STAM: variants seen among roughly 807,000 people sequenced by gnomAD.
STAM encodes signal transducing adapter molecule 1.
STAM carries 16 observed loss-of-function variants against 63.4 expected under a neutral mutation model. The ratio of observed to expected loss-of-function variants is 0.25; its 90% confidence interval spans 0.17 to 0.38. The LOEUF is 0.38. STAM is among the 10% of genes least tolerant of loss of function. STAM has a pLI of 1.00. For synonymous variants in STAM, 238 were observed against 223.9 expected (o/e 1.06, Z -0.56); for missense variants, 636 against 657.1 (o/e 0.97, Z 0.35).
chr10:17,709,732 T>C (rs2131698208), intron 13 of STAM, among the ~76,000 whole-genome samples: 1 of 151,828 alleles, frequency 6.6e-6, no homozygotes, highest in East Asian at 1.9e-4. Flanking sequence ...TTTCCAGCAG[T>C]GTTAGGATTG....
chr10:17,658,202 T>G (rs1274367642), intron 1 of STAM, among the ~76,000 whole-genome samples: 1 of 152,190 alleles, frequency 6.6e-6, no homozygotes, highest in African/African-American at 2.4e-5. Context: ...TTTAAGTTTT[T>G]TTTTTACTCT....
Position 17,693,306 on chromosome 10 carries a change from G to T in STAM, c.529G>T (p.Ala177Ser). 6.2e-7 allele frequency: 1 copy of T among 1,609,740 alleles called. No individual in the cohort carries two copies. The change falls in exon 6 of 14, where the codon GCA (alanine) becomes TCA (serine). Residue 177 changes from alanine (A) to serine (S), a missense_variant. Transcript: ENST00000377524. The part of the protein sequence containing the change: ...VANKKEEEDL[A>S]KAIELSLKEQ... Reference sequence around the variant, plus strand: ...TAACAAAAAAGAAGAAGAAGATTTAGCAAAAGGTGCGTTTTTAAGTCCCTG... The same window carrying T: ...TAACAAAAAAGAAGAAGAAGATTTATCAAAAGGTGCGTTTTTAAGTCCCTG...
intron 1 of STAM, among the ~76,000 whole-genome samples, chr10:17,654,136 C>T (rs1414304576): frequency 6.6e-6 from 1 of 152,110 alleles, no homozygotes; most frequent in Non-Finnish European, 1.5e-5. Flanking sequence ...TGCTAGCCCT[C>T]TGGGTAGTTA....
chr10:17,650,934 G>T (rs370731351), intron 1 of STAM, among the ~76,000 whole-genome samples: 2 of 151,226 alleles, frequency 1.3e-5, no homozygotes, highest in Non-Finnish European at 3.0e-5. Flanking sequence ...GCGTAGTGGC[G>T]GGCGCCTGTA....
At chr10:17,663,467 T>C (rs1188722425) in intron 2 of STAM, among the ~76,000 whole-genome samples, 2 of 152,164 alleles carry the variant, frequency 1.3e-5, no homozygotes, top group African/African-American at 4.8e-5. Flanking sequence ...ACTTAGGAAA[T>C]ATTTTCAACT....
intron 1 of STAM, among the ~76,000 whole-genome samples, chr10:17,654,285 T>TGC (rs1833853731): frequency 6.6e-6 from 1 of 151,956 alleles, no homozygotes; most frequent in Non-Finnish European, 1.5e-5. Context: ...TGCAGTGGCA[T>TGC]GATCTCAGCT....
At chr10:17,714,400 T>C (rs1836708637) in intron 13 of STAM, 143 bp from the exon 14 acceptor site, 1 of 775,564 alleles carries the variant, frequency 1.3e-6, no homozygotes, top group East Asian at 2.5e-5. Flanking sequence ...AATAACAATG[T>C]TTGGCACATT....
At chr10:17,677,928 G>T (rs1256052019) in intron 2 of STAM, among the ~76,000 whole-genome samples, 1 of 151,764 alleles carries the variant, frequency 6.6e-6, no homozygotes, top group Non-Finnish European at 1.5e-5. Context: ...GCTTTCCAGG[G>T]CTCATTGGAG....
At chr10:17,663,489 G>C (rs1235188650) in intron 2 of STAM, among the ~76,000 whole-genome samples, 1 of 152,028 alleles carries the variant, frequency 6.6e-6, no homozygotes, top group Non-Finnish European at 1.5e-5. Flanking sequence ...CAGTGAATTC[G>C]ATAATGAAGG....
At chr10:17,644,512 C>T in intron 1 of STAM, 133 bp downstream of exon 1, 6 of 1,080,508 alleles carry the variant, frequency 5.6e-6, no homozygotes. Context: ...GAGGCTCCCT[C>T]CTTCAGAGCT....
intron 5 of STAM, among the ~76,000 whole-genome samples, chr10:17,691,000 T>A (rs1835506688): frequency 6.6e-6 from 1 of 152,172 alleles, no homozygotes; most frequent in African/African-American, 2.4e-5. Context: ...TCACACACCA[T>A]AAAAGTTCAA....
At position 17,665,419 on chromosome 10, in the gene STAM, C is replaced by T. The variant is rs923323115; in HGVS notation, c.125+4871C>T. ...CTCATCTTCTATAAGTTACCACTTA[C>T]GTAAATTTTGTATCTTTCCATTCTT... On this transcript the variant is annotated intron_variant, in intron 2 of 13. Transcript: ENST00000377524. Among the ~76,000 whole-genome samples the T allele has an allele frequency of 6.6e-5, 10 of 152,086 alleles. No homozygotes were observed. The South Asian group carries it at 8.3e-4, about 13-fold the overall frequency.
intron 13 of STAM, 73 bp downstream of exon 13, chr10:17,709,024 C>T: frequency 6.6e-7 from 1 of 1,507,570 alleles, no homozygotes; most frequent in Non-Finnish European, 9.0e-7. Flanking sequence ...TTATCTATAA[C>T]TATAAAATCT....
intron 1 of STAM, among the ~76,000 whole-genome samples, chr10:17,651,901 A>T (rs1436611573): frequency 2.0e-5 from 3 of 152,182 alleles, no homozygotes; most frequent in African/African-American, 7.2e-5. Flanking sequence ...ACCTCCCCAG[A>T]TCTTTGACAG....
chr10:17,689,795 G>A (rs1282960946), intron 5 of STAM, among the ~76,000 whole-genome samples: 1 of 152,258 alleles, frequency 6.6e-6, no homozygotes, highest in African/African-American at 2.4e-5. Flanking sequence ...ATTACCTGGA[G>A]GCTTGTTAGA....
chr10:17,692,386 G>A (rs1274383654), intron 5 of STAM, among the ~76,000 whole-genome samples: 3 of 152,296 alleles, frequency 2.0e-5, no homozygotes, highest in South Asian at 2.1e-4. Flanking sequence ...AAAAGTGAAC[G>A]GAGCAAAGGA....
At chr10:17,693,128 G>T in intron 5 of STAM, 94 bp from the exon 6 acceptor site, 1 of 1,009,492 alleles carries the variant, frequency 9.9e-7, no homozygotes, top group South Asian at 1.5e-5. Context: ...ATCTGTGCTA[G>T]ATTGATGAGA....
chr10:17,693,478 G>A (rs542235487), intron 6 of STAM, among the ~76,000 whole-genome samples, 166 bp downstream of exon 6: 92 of 152,224 alleles, frequency 6.0e-4, no homozygotes, highest in African/African-American at 2.1e-3. Context: ...ACTGTCACAT[G>A]TATCCTTTCA....
At position 17,694,929 on chromosome 10, in the gene STAM, T is replaced by G. The variant is rs376812321; in HGVS notation, c.536-120T>G. On this transcript the variant is annotated intron_variant, in intron 6 of 13. Transcript: ENST00000377524. ...TTTTTGTTCAATGTATCAGGATATGTTCTAGTTTCTAACTATACTATTGAA... is the reference window on the plus strand; with the variant it reads ...TTTTTGTTCAATGTATCAGGATATGGTCTAGTTTCTAACTATACTATTGAA... The G allele has an allele frequency of 7.0e-6, 6 of 852,164 alleles. No individual in the cohort carries two copies. The African/African-American group carries it at 1.0e-4, about 15-fold the overall frequency. 52.8% of individuals were successfully genotyped at this position (852,164 alleles called of 1,614,324 possible).
Sources: allele counts gnomAD v4.1 joint callset (sites outside exome capture counted in the v4.1 genomes callset), GRCh38; gene constraint gnomAD v4.1.1; transcripts MANE v1.5; gene names NCBI Gene and HGNC (gene_info 2026-07-23, HGNC 2026-07-21).